The following SGCD variants were observed in gnomAD, a reference collection of about 807,000 sequenced individuals.
SGCD encodes the protein sarcoglycan delta.
In SGCD, 18 loss-of-function variants were observed where a neutral mutation model predicts 36.6. That is an observed-to-expected ratio of 0.49 (90% CI 0.34 to 0.73). SGCD has a LOEUF of 0.73. Among genes scored for constraint, SGCD ranks in the 30% least tolerant of loss-of-function variants. SGCD has a pLI of 0.01. For synonymous variants in SGCD, 133 were observed against 130.6 expected, an observed-to-expected ratio of 1.02 and a Z score of -0.12; for missense variants, 387 against 346.7, an observed-to-expected ratio of 1.12 and a Z score of -0.92.
chr5:156,382,046 G>A (rs911548399), intron 3 of SGCD, among the ~76,000 whole-genome samples: 1 of 152,036 alleles, frequency 6.6e-6, no homozygotes, highest in African/African-American at 2.4e-5. Flanking sequence ...GTTGAAGTAT[G>A]TATGGTTTTA....
Position 156,700,225 on chromosome 5 carries a change from G to C in SGCD, c.575+52689G>C, listed in dbSNP as rs150701978. The stretch of plus-strand genomic sequence containing the variant: ...CATGATTCCTAACCTCAAGTGGGTT[G>C]ACAGTACAGTCCAGAGATCCTCCAA... On this transcript the variant is annotated intron_variant, in intron 7 of 8. Transcript: ENST00000337851. Among the ~76,000 whole-genome samples the C allele has an allele frequency of 1.5e-4, 23 of 152,256 alleles. No homozygotes were observed. The East Asian group carries it at 3.9e-3, about 26-fold the overall frequency.
intron 3 of SGCD, among the ~76,000 whole-genome samples, chr5:156,239,029 G>A (rs1765234871): frequency 6.6e-6 from 1 of 151,984 alleles, no homozygotes; most frequent in African/African-American, 2.4e-5. Flanking sequence ...GGCTTTCTTT[G>A]GGGGCCTCAT....
chr5:156,030,655 C>T (rs189091334), intron 1 of SGCD, among the ~76,000 whole-genome samples: 5 of 152,062 alleles, frequency 3.3e-5, no homozygotes, highest in South Asian at 2.1e-4. Flanking sequence ...GGGGAAAGGA[C>T]GGGTGAGTTG....
At chr5:155,782,146 T>C in the SGCD span, among the ~76,000 whole-genome samples, 1 of 151,678 alleles carries the variant, frequency 6.6e-6, no homozygotes, top group South Asian at 2.1e-4. Flanking sequence ...TGCTTCAGCC[T>C]CCTGAGTAGC....
chr5:155,865,017 C>T, the SGCD span, among the ~76,000 whole-genome samples: 1 of 151,854 alleles, frequency 6.6e-6, no homozygotes, highest in Non-Finnish European at 1.5e-5. Context: ...GTTTCAGGAA[C>T]CCTTTAGACT....
intron 3 of SGCD, among the ~76,000 whole-genome samples, chr5:156,406,581 A>T (rs1446654940): frequency 1.3e-5 from 2 of 151,678 alleles, no homozygotes. Context: ...GCCTTCCCTG[A>T]CCTTCCCCAG....
At chr5:156,229,300 A>ATATACAT (rs1477607808) in intron 3 of SGCD, among the ~76,000 whole-genome samples, 1 of 126,172 alleles carries the variant, frequency 7.9e-6, no homozygotes, top group Admixed American at 8.5e-5. Context: ...ATATATATAT[A>ATATACAT]AAATTAGTTC....
At chr5:156,092,239 G>A (rs1043099580) in intron 1 of SGCD, among the ~76,000 whole-genome samples, 2 of 152,148 alleles carry the variant, frequency 1.3e-5, no homozygotes, top group African/African-American at 4.8e-5. Context: ...TCTATTCTCT[G>A]GAGCTTTGAT....
At chr5:156,644,256 A>G (rs1031953258) in intron 6 of SGCD, among the ~76,000 whole-genome samples, 1 of 152,140 alleles carries the variant, frequency 6.6e-6, no homozygotes, top group African/African-American at 2.4e-5. Flanking sequence ...TGTTTCTCCC[A>G]AATCCAATTT....
chr5:156,727,395 C>T (rs1199278485), intron 7 of SGCD, among the ~76,000 whole-genome samples: 1 of 152,106 alleles, frequency 6.6e-6, no homozygotes, highest in Non-Finnish European at 1.5e-5. Context: ...GTTCAGAAGC[C>T]CAACTAAAAT....
At chr5:156,698,882 G>C (rs1412752424) in intron 7 of SGCD, among the ~76,000 whole-genome samples, 1 of 110,830 alleles carries the variant, frequency 9.0e-6, no homozygotes, top group Admixed American at 8.9e-5. Context: ...CACACACACA[G>C]CATTTAGTAT....
intron 7 of SGCD, among the ~76,000 whole-genome samples, chr5:156,695,733 A>G (rs1328508602): frequency 2.0e-5 from 3 of 152,240 alleles, no homozygotes; most frequent in African/African-American, 4.8e-5. Flanking sequence ...TTTGAAGGAC[A>G]TATAATTTTT....
intron 3 of SGCD, among the ~76,000 whole-genome samples, chr5:156,208,623 T>A (rs1764353654): frequency 6.6e-6 from 1 of 152,242 alleles, no homozygotes; most frequent in South Asian, 2.1e-4. Context: ...CTGTACTTAA[T>A]AATCACAATG....
intron 3 of SGCD, among the ~76,000 whole-genome samples, chr5:156,271,448 C>G (rs1766176895): frequency 6.6e-6 from 1 of 151,906 alleles, no homozygotes; most frequent in Admixed American, 6.6e-5. Flanking sequence ...TGTAGGTAGG[C>G]CAGGGCAGGG....
At chr5:155,865,430 T>C (rs778503747), upstream of SGCD, among the ~76,000 whole-genome samples, 35 of 152,152 alleles carry the variant, frequency 2.3e-4, no homozygotes, top group Non-Finnish European at 4.1e-4. Context: ...TGGTCTCATA[T>C]AGGTATGTAG....
intron 1 of SGCD, among the ~76,000 whole-genome samples, chr5:156,045,624 T>C (rs947282673): frequency 6.6e-6 from 1 of 152,176 alleles, no homozygotes; most frequent in South Asian, 2.1e-4. Flanking sequence ...ATGTTCTAGA[T>C]CCAACTAAAG....
intron 7 of SGCD, among the ~76,000 whole-genome samples, chr5:156,713,317 T>C (rs1755074624): frequency 1.3e-5 from 2 of 151,756 alleles, no homozygotes; most frequent in Admixed American, 1.3e-4. Context: ...GAGTTAGTTA[T>C]ACACGAAGAG....
chr5:156,139,640 T>A (rs982183652), intron 3 of SGCD, among the ~76,000 whole-genome samples: 1 of 152,204 alleles, frequency 6.6e-6, no homozygotes, highest in African/African-American at 2.4e-5. Flanking sequence ...TCTTACAGTT[T>A]GGGCAGGAGC....
At chr5:155,986,244 A>G (rs569050482) in intron 1 of SGCD, among the ~76,000 whole-genome samples, 2 of 152,188 alleles carry the variant, frequency 1.3e-5, no homozygotes, top group South Asian at 4.2e-4. Context: ...TAAAATATCC[A>G]TTTGCAGGTT....
Sources: allele counts gnomAD v4.1 joint callset (sites outside exome capture counted in the v4.1 genomes callset), GRCh38; gene constraint gnomAD v4.1.1; transcripts MANE v1.5; gene names NCBI Gene and HGNC (gene_info 2026-07-23, HGNC 2026-07-21).